Variants in ATP8A2 observed in about 807,000 individuals in gnomAD.
ATP8A2 encodes phospholipid-transporting ATPase IB.
ATP8A2 carries 100 observed loss-of-function variants against 165.6 expected under a neutral mutation model. The observed-to-expected ratio is 0.60, with a 90% CI of 0.51 to 0.71. ATP8A2 has a LOEUF of 0.71. ATP8A2 is among the 30% of genes least tolerant of loss of function. The probability of loss-of-function intolerance (pLI) is 0.00; values close to 1 mark genes in which losing one functional copy is unlikely to be tolerated. For synonymous variants in ATP8A2, 543 were observed against 548.8 expected (o/e 0.99, Z 0.15); for missense variants, 1,227 against 1,479.5 (o/e 0.83, Z 2.80).
chr13:25,805,958 T>C (rs940706314), intron 27 of ATP8A2, among the ~76,000 whole-genome samples: 1 of 152,184 alleles, frequency 6.6e-6, no homozygotes, highest in Admixed American at 6.5e-5. Context: ...AATAACAGTA[T>C]GCAGTGCTCT....
chr13:25,944,728 T>A (rs1259905007), intron 33 of ATP8A2: 3 of 152,232 alleles, frequency 2.0e-5, no homozygotes, highest in Non-Finnish European at 4.4e-5. Context: ...GAATAGCCAC[T>A]GCCCTCCAGC....
At chr13:25,888,451 G>A (rs1426569289) in intron 33 of ATP8A2, among the ~76,000 whole-genome samples, 1 of 152,182 alleles carries the variant, frequency 6.6e-6, no homozygotes, top group Non-Finnish European at 1.5e-5. Flanking sequence ...AAGCAAAAAA[G>A]GAAGCAACCA....
intron 1 of ATP8A2, among the ~76,000 whole-genome samples, chr13:25,458,598 G>T (rs545038699): frequency 6.6e-6 from 1 of 152,334 alleles, no homozygotes; most frequent in East Asian, 1.9e-4. Context: ...ATGGCATGAG[G>T]GAAGTGCATT....
rs189151095 is a variant in ATP8A2, at chr13:25,797,421, T to C, written c.2679+22462T>C. ...ACCCCATAAATATATACACCTAATATGTATCCACGAAAACTAAAAATTTAA... is the reference window on the plus strand; with the variant it reads ...ACCCCATAAATATATACACCTAATACGTATCCACGAAAACTAAAAATTTAA... On this transcript the variant is annotated intron_variant, in intron 27 of 36. Transcript: ENST00000381655. 1.5e-3 allele frequency among the ~76,000 whole-genome samples: 226 copies of C among 152,228 alleles called. 2 individuals carry two copies. The highest frequency in any genetic ancestry group is 5.2e-3 in the African/African-American group (218 of 41,556).
intron 27 of ATP8A2, among the ~76,000 whole-genome samples, chr13:25,810,219 A>C (rs914064300): frequency 6.6e-6 from 1 of 152,142 alleles, no homozygotes; most frequent in Admixed American, 6.5e-5. Flanking sequence ...CATACTTCTA[A>C]TCTTATTGCT....
At chr13:25,972,860 T>C (rs1008440357) in intron 35 of ATP8A2, among the ~76,000 whole-genome samples, 4 of 152,196 alleles carry the variant, frequency 2.6e-5, no homozygotes, top group African/African-American at 9.7e-5. Context: ...GACAGACTTT[T>C]GTTCCTTAAT....
intron 25 of ATP8A2, among the ~76,000 whole-genome samples, chr13:25,719,475 A>G (rs141923935): frequency 8.6e-5 from 13 of 151,490 alleles, no homozygotes; most frequent in East Asian, 6.1e-4. Flanking sequence ...GGGTGGATGG[A>G]TGGATGGATG....
At chr13:25,565,387 A>T (rs559540335) in intron 16 of ATP8A2, among the ~76,000 whole-genome samples, 1 of 152,300 alleles carries the variant, frequency 6.6e-6, no homozygotes, top group Non-Finnish European at 1.5e-5. Context: ...CCATGCCAAC[A>T]TCTACTGTTT....
chr13:25,761,048 C>G (rs922909122), intron 25 of ATP8A2, among the ~76,000 whole-genome samples: 1 of 152,202 alleles, frequency 6.6e-6, no homozygotes, highest in African/African-American at 2.4e-5. Context: ...GCCTGCCTCT[C>G]CCCTCACCTT....
intron 35 of ATP8A2, among the ~76,000 whole-genome samples, chr13:25,979,028 C>A (rs1330880243): frequency 6.6e-6 from 1 of 151,574 alleles, no homozygotes; most frequent in Admixed American, 6.6e-5. Context: ...GCATGTCCTC[C>A]CAGGCCCCTG....
intron 1 of ATP8A2, among the ~76,000 whole-genome samples, chr13:25,465,669 TTC>T (rs1312880808): frequency 1.4e-3 from 15 of 10,378 alleles, no homozygotes; most frequent in African/African-American, 4.6e-3. Context: ...AGAGTTTTCT[TTC>T]TTTCTTTCTT....
chr13:25,477,329 A>T (rs1345384612), intron 2 of ATP8A2, among the ~76,000 whole-genome samples: 1 of 152,222 alleles, frequency 6.6e-6, no homozygotes, highest in African/African-American at 2.4e-5. Flanking sequence ...ACTTGGAAGC[A>T]TTTATGATTT....
chr13:25,972,259 C>G (rs1955933746), intron 35 of ATP8A2, among the ~76,000 whole-genome samples: 1 of 152,122 alleles, frequency 6.6e-6, no homozygotes, highest in South Asian at 2.1e-4. Flanking sequence ...TACTTTTATA[C>G]TATTTTGATA....
chr13:25,995,538 G>C (rs1390301430), intron 35 of ATP8A2, among the ~76,000 whole-genome samples: 1 of 150,726 alleles, frequency 6.6e-6, no homozygotes, highest in East Asian at 1.9e-4. Flanking sequence ...TTGTCTTAAG[G>C]CTTTTTCTTT....
intron 25 of ATP8A2, among the ~76,000 whole-genome samples, chr13:25,763,184 C>T (rs1168199134): frequency 2.0e-5 from 3 of 152,304 alleles, no homozygotes; most frequent in East Asian, 3.9e-4. Context: ...ATGGGGTGCA[C>T]GTAGTCACTC....
intron 34 of ATP8A2, 78 bp from the exon 35 acceptor site, chr13:25,968,497 G>C (rs901573534): frequency 1.4e-5 from 18 of 1,299,426 alleles, no homozygotes; most frequent in Non-Finnish European, 1.9e-5. Flanking sequence ...GCTGTGGCCT[G>C]AGAGGGGAGC....
Position 25,961,602 on chromosome 13 carries a change from T to C in ATP8A2, c.3211T>C (p.Phe1071Leu), listed in dbSNP as rs1872655443. Reference protein sequence around the residue: ...QATMVLSSAHFWLGLFLVPTA... With the variant: ...QATMVLSSAHLWLGLFLVPTA... ...AACTATGGTCCTGAGCTCCGCACAC[T>C]TCTGGTTGGGATTATTTCTGGTTCC... The change falls in exon 34 of 37, where the codon TTC becomes CTC. Residue 1071 changes from phenylalanine (F) to leucine (L), a missense_variant. Transcript: ENST00000381655. 6.2e-7 allele frequency: 1 copy of C among 1,614,126 alleles called. No individual in the cohort carries two copies. The highest frequency in any genetic ancestry group is 8.5e-7 in the Non-Finnish European group (1 of 1,179,952).
At chr13:25,739,357 T>C (rs1459962687) in intron 25 of ATP8A2, among the ~76,000 whole-genome samples, 2 of 152,358 alleles carry the variant, frequency 1.3e-5, no homozygotes, top group East Asian at 3.9e-4. Context: ...AATTCTGTTC[T>C]CTATCATTAA....
chr13:25,894,956 G>A (rs370617848), intron 33 of ATP8A2, among the ~76,000 whole-genome samples: 1 of 152,224 alleles, frequency 6.6e-6, no homozygotes, highest in African/African-American at 2.4e-5. Flanking sequence ...GGGTTTTCTA[G>A]ATATACAATC....
Sources: allele counts gnomAD v4.1 joint callset (sites outside exome capture counted in the v4.1 genomes callset), GRCh38; gene constraint gnomAD v4.1.1; transcripts MANE v1.5; gene names NCBI Gene and HGNC (gene_info 2026-07-23, HGNC 2026-07-21).